The following ENTPD6 variants were observed in gnomAD, a reference collection of about 807,000 sequenced individuals.
ENTPD6 encodes ectonucleoside triphosphate diphosphohydrolase 6.
ENTPD6 carries 46 observed loss-of-function variants against 61.5 expected under a neutral mutation model. The observed-to-expected ratio is 0.75, with a 90% CI of 0.59 to 0.96. The LOEUF is 0.96. Ranked by LOEUF, ENTPD6 falls within the 40% of genes least tolerant of loss-of-function variation. ENTPD6 has a pLI of 0.00. For synonymous variants in ENTPD6, 252 were observed against 255.5 expected (o/e 0.99, Z 0.13); for missense variants, 612 against 629.0 (o/e 0.97, Z 0.29).
chr20:25,200,161 G>A (rs1408133464), intron 1 of ENTPD6, among the ~76,000 whole-genome samples: 1 of 152,174 alleles, frequency 6.6e-6, no homozygotes. Context: ...TTTGATAGTG[G>A]CTGTCCTAAT....
rs892359728 is a variant in ENTPD6 at position 25,207,252 on chromosome 20, A to G, written c.231A>G (p.Ala77=). 8 of 1,613,886 alleles carry G rather than the reference A, an allele frequency of 5.0e-6. No homozygotes were observed. The East Asian group carries it at 6.7e-5, about 13-fold the overall frequency. The change falls in exon 3 of 15, where the codon GCA becomes GCG. Residue 77 remains alanine, a synonymous_variant. Transcript: ENST00000376652. ...ATQAFFSITR[A]APGARWGQQA... ...AGGCCTTCTTCAGCATCACCAGGGC[A>G]GCCCCGGGGGCCCGGTGGGGTCAGC... is the stretch of plus-strand genomic sequence containing the variant.
At chr20:25,222,720 A>T (rs1214632443) in intron 11 of ENTPD6, 118 bp from the exon 12 acceptor site, 1 of 1,396,164 alleles carries the variant, frequency 7.2e-7, no homozygotes, top group African/African-American at 1.4e-5. Flanking sequence ...AGGCTTCTGG[A>T]CCTGCCTTTT....
Position 25,215,731 on chromosome 20 carries a change from C to T in ENTPD6, c.709+20C>T, listed in dbSNP as rs759378063. ...TGACAGGTGTGTGCACACTGCATCA[C>T]AGAGGCTAGCCGATCACAGACACCT... On this transcript the variant is annotated intron_variant, in intron 7 of 14. Coordinates refer to ENST00000376652, the MANE Select transcript of ENTPD6 (RefSeq NM_001247.5). 68 of 1,613,774 alleles carry T rather than the reference C, an allele frequency of 4.2e-5. No individual in the cohort carries two copies. Among genetic ancestry groups the T allele is most frequent in the Non-Finnish European group, 5.4e-5 (64 of 1,179,738 alleles).
rs1241049298 is a variant in ENTPD6, at chr20:25,224,335, G to A, written c.1243+178G>A. 7 of 493,488 alleles carry A rather than the reference G, an allele frequency of 1.4e-5. No individual in the cohort carries two copies. In the Admixed American group the frequency reaches 1.9e-4, roughly 14 times the overall value. The allele number at this position is 493,488 out of a possible 1,614,324, so 30.6% of individuals were successfully genotyped here. A position where few individuals can be genotyped will look rare whatever the true frequency, so the allele number is the denominator to read the frequency against. On this transcript the variant is annotated intron_variant, in intron 13 of 14. Transcript: ENST00000376652. ...TTGTCCCACCCTCATGGGGTCGTGA[G>A]GAACTGGGTCCCTCGATTCCACTTC...
In ENTPD6 at chr20:25,207,012, T is replaced by C. The variant is rs942350367; in HGVS notation, c.55-64T>C. The C allele has an allele frequency of 4.1e-6, 6 of 1,467,124 alleles. No individual in the cohort carries two copies. The South Asian group carries it at 6.6e-5, about 16-fold the overall frequency. 90.9% of individuals were successfully genotyped at this position (1,467,124 alleles called of 1,614,324 possible). On this transcript the variant is annotated intron_variant, in intron 2 of 14. Coordinates refer to ENST00000376652, the MANE Select transcript of ENTPD6 (RefSeq NM_001247.5). ...CATTTTGTCCCTGGGCCTGGGGACGTCTGACTCTCCTTGGATCCTAGCACC... is the reference window on the plus strand; with the variant it reads ...CATTTTGTCCCTGGGCCTGGGGACGCCTGACTCTCCTTGGATCCTAGCACC...
chr20:25,218,333 G>A (rs2123172373), intron 9 of ENTPD6, among the ~76,000 whole-genome samples: 1 of 152,322 alleles, frequency 6.6e-6, no homozygotes, highest in Middle Eastern at 3.4e-3. Flanking sequence ...TGCAGCTCCT[G>A]GATGAGCTCC....
chr20:25,215,876 C>T (rs1272789741), intron 7 of ENTPD6, among the ~76,000 whole-genome samples, 165 bp downstream of exon 7: 1 of 152,204 alleles, frequency 6.6e-6, no homozygotes, highest in Non-Finnish European at 1.5e-5. Context: ...GGTGGGGTCA[C>T]CCACCTGTCT....
intron 11 of ENTPD6, chr20:25,221,769 C>A: frequency 3.8e-6 from 1 of 260,774 alleles, no homozygotes; most frequent in Non-Finnish European, 7.6e-6. Flanking sequence ...GCTCTGCACC[C>A]TTGCAGTTTC....
At chr20:25,216,575 T>G (rs2092323002) in intron 7 of ENTPD6, 73 bp from the exon 8 acceptor site, 18 of 1,154,470 alleles carry the variant, frequency 1.6e-5, no homozygotes, top group Non-Finnish European at 2.3e-5. Context: ...GGGCCTGGCT[T>G]TCACCCTGGC....
At chr20:25,206,988 A>G in intron 2 of ENTPD6, 88 bp from the exon 3 acceptor site, 1 of 1,239,436 alleles carries the variant, frequency 8.1e-7, no homozygotes, top group Non-Finnish European at 1.1e-6. Context: ...CAGGTTGAAC[A>G]TTTTGTCCCT....
chr20:25,224,102 T>G lies in ENTPD6; in HGVS notation c.1188T>G (p.Asp396Glu). The G allele has an allele frequency of 6.2e-7, 1 of 1,611,970 alleles. No homozygotes were observed. ...YDLAAGVGLI[D>E]AEKGGSLVVG... Reference sequence around the variant, plus strand: ...GACTGGGTGTTGTGTCTCCCACAGATGCGGAGAAGGGAGGCAGCCTGGTGG... The same window carrying G: ...GACTGGGTGTTGTGTCTCCCACAGAGGCGGAGAAGGGAGGCAGCCTGGTGG... Residue 396 changes from aspartate (D) to glutamate (E), a missense_variant and splice_region_variant, in exon 13 of 15, where the codon GAT becomes GAG. Asp to Glu is a conservative substitution (Grantham distance 45). Transcript: ENST00000376652.
chr20:25,216,756 A>T lies in ENTPD6; in HGVS notation c.798+20A>T. Reference sequence around the variant, plus strand: ...GTGGAGGTAACAAGCCCTGCCGACCACAGCGCTCTTTCCACCCCGAGGCCA... The same window carrying T: ...GTGGAGGTAACAAGCCCTGCCGACCTCAGCGCTCTTTCCACCCCGAGGCCA... On this transcript the variant is annotated intron_variant, in intron 8 of 14. Transcript: ENST00000376652. The T allele has an allele frequency of 6.8e-7, 1 of 1,462,846 alleles. No homozygotes were observed. Among genetic ancestry groups the T allele is most frequent in the East Asian group, 3.1e-5 (1 of 32,330 alleles). The allele number at this position is 1,462,846 out of a possible 1,614,324, so 90.6% of individuals were successfully genotyped here. A position where few individuals can be genotyped will look rare whatever the true frequency, so the allele number is the denominator to read the frequency against.
intron 3 of ENTPD6, among the ~76,000 whole-genome samples, chr20:25,208,740 C>A (rs1377665551): frequency 6.6e-6 from 1 of 152,036 alleles, no homozygotes; most frequent in African/African-American, 2.4e-5. Context: ...TCTTGAGAAC[C>A]CTTTAATAAA....
intron 1 of ENTPD6, among the ~76,000 whole-genome samples, chr20:25,199,298 T>A (rs1410101312): frequency 6.6e-6 from 1 of 152,232 alleles, no homozygotes; most frequent in Non-Finnish European, 1.5e-5. Flanking sequence ...TAGTCAGGCA[T>A]GATCTGTCTC....
intron 1 of ENTPD6, among the ~76,000 whole-genome samples, chr20:25,204,470 T>A (rs2091299506): frequency 6.7e-6 from 1 of 150,062 alleles, no homozygotes; most frequent in Admixed American, 6.7e-5. Flanking sequence ...TTACAAAGCT[T>A]TATATATATA....
chr20:25,221,083 C>G (rs1427423887), intron 10 of ENTPD6, 149 bp from the exon 11 acceptor site: 2 of 621,524 alleles, frequency 3.2e-6, no homozygotes, highest in Non-Finnish European at 5.8e-6. Context: ...TGCCACTTCC[C>G]AGGGAGGTGT....
rs550555764 is a variant in ENTPD6 at position 25,206,254 on chromosome 20, C to G, written c.-15-268C>G. Among the ~76,000 whole-genome samples the G allele has an allele frequency of 5.0e-4, 76 of 152,316 alleles. 1 individual carries two copies. Among genetic ancestry groups the G allele is most frequent in the Middle Eastern group, 3.4e-3 (1 of 294 alleles). ...TGCTCCCCTAGGAGTGGCCACTCAC[C>G]AGGACCGACTGAGAGAGTGAGGGAG... is the stretch of plus-strand genomic sequence containing the variant. On this transcript the variant is annotated intron_variant, in intron 1 of 14. Transcript: ENST00000376652.
At chr20:25,223,807 T>C (rs1008016470) in intron 12 of ENTPD6, 1 of 276,706 alleles carries the variant, frequency 3.6e-6, no homozygotes, top group African/African-American at 2.2e-5. Context: ...TTTATTTTTC[T>C]TAACTTAAAA....
At position 25,227,133 on chromosome 20, in the gene ENTPD6, C is replaced by T. The variant is rs1203319243; in HGVS notation, c.*1536C>T. ...ATCCCGAGTGCTTGTGCCTGAAGCC[C>T]CCCCCAACCAACTGTCACAGGAGGA... is the stretch of plus-strand genomic sequence containing the variant. On this transcript the variant is annotated 3_prime_UTR_variant, in exon 15 of 15. Transcript: ENST00000376652. Among the ~76,000 whole-genome samples, 1 of 152,252 alleles carries T rather than the reference C, an allele frequency of 6.6e-6. No individual in the cohort carries two copies. Among genetic ancestry groups the T allele is most frequent in the African/African-American group, 2.4e-5 (1 of 41,464 alleles).
Sources: allele counts gnomAD v4.1 joint callset (sites outside exome capture counted in the v4.1 genomes callset), GRCh38; gene constraint gnomAD v4.1.1; transcripts MANE v1.5; gene names NCBI Gene and HGNC (gene_info 2026-07-23, HGNC 2026-07-21).